TMPRSS6: variants seen among roughly 807,000 people sequenced by gnomAD.
The protein encoded by TMPRSS6 is transmembrane serine protease 6, also known as transmembrane protease serine 6.
Under a neutral mutation model 101.5 loss-of-function variants are expected in TMPRSS6, and 67 were observed. That is an observed-to-expected ratio of 0.66 (90% CI 0.54 to 0.81). The LOEUF (loss-of-function observed/expected upper bound fraction) is 0.81. TMPRSS6 is among the 30% of genes least tolerant of loss of function. The pLI is 0.00. For synonymous variants in TMPRSS6, 453 were observed against 464.9 expected (o/e 0.97, Z 0.33); for missense variants, 1,034 against 1,088.7 (o/e 0.95, Z 0.71).
At position 37,075,168 on chromosome 22, in the gene TMPRSS6, G is replaced by C. The variant is rs117576908; in HGVS notation, c.1309C>G (p.Arg437Gly). The C allele has an allele frequency of 3.1e-6, 5 of 1,613,922 alleles. No individual in the cohort carries two copies. The highest frequency in any genetic ancestry group is 1.3e-5 in the African/African-American group (1 of 74,936). The change falls in exon 11 of 18, where the codon CGG becomes GGG. Residue 437 changes from arginine to glycine, a missense_variant. Transcript: ENST00000676104. The stretch of plus-strand genomic sequence containing the variant: ...TGGTTGTACAAGCCATAGTGCACCC[G>C]CACACCGGGCCCGGTGAGGGAGATC... The part of the protein sequence containing the change: ...SQISLTGPGV[R>G]VHYGLYNQSD...
Position 37,101,561 on chromosome 22 carries a change from C to T in TMPRSS6, c.202+1655G>A, listed in dbSNP as rs1460117375. ...CCACTTCCTTGCCCAGCGCCCAGTC[C>T]CAGGAGCACAGCCTGGTCAAGGCGG... On this transcript the variant is annotated intron_variant, in intron 2 of 17. Transcript: ENST00000676104. The surrounding 1 kb of genome is among the most constrained non-coding windows in gnomAD (Gnocchi z 4.1). 6.6e-6 allele frequency among the ~76,000 whole-genome samples: 1 copy of T among 152,004 alleles called. No homozygotes were observed. Among genetic ancestry groups the T allele is most frequent in the Admixed American group, 6.5e-5 (1 of 15,274 alleles).
intron 7 of TMPRSS6, among the ~76,000 whole-genome samples, chr22:37,087,162 A>C (rs974528849): frequency 6.6e-6 from 1 of 152,048 alleles, no homozygotes; most frequent in South Asian, 2.1e-4. Flanking sequence ...GGGGTTCCCC[A>C]GCTCCCCTTC....
chr22:37,069,125 G>C lies in TMPRSS6; in HGVS notation c.2061C>G (p.Phe687Leu). 1 of 1,565,204 alleles carries C rather than the reference G, an allele frequency of 6.4e-7. No homozygotes were observed. The highest frequency in any genetic ancestry group is 2.4e-5 in the East Asian group (1 of 41,964). ...PVCLPARSHF[F>L]EPGLHCWITG... ...TAATCCAGCAGTGCAGGCCGGGCTC[G>C]AAGAAGTGGGAGCGCGCGGGCAGGC... is the stretch of plus-strand genomic sequence containing the variant. The change falls in exon 16 of 18, where the codon TTC becomes TTG. Residue 687 changes from phenylalanine to leucine, a missense_variant. By Grantham distance (22) the Phe-to-Leu change is conservative. Transcript: ENST00000676104. This position sits in a 1 kb window ranked among gnomAD's most constrained non-coding sequence, Gnocchi z 4.8.
intron 10 of TMPRSS6, among the ~76,000 whole-genome samples, chr22:37,079,011 A>AAGAAAGAAAGAAAGAAAGAAAGAAAG (rs1569006364): frequency 4.0e-5 from 6 of 151,732 alleles, no homozygotes; most frequent in Non-Finnish European, 1.5e-5. Context: ...GAAAGAAAGA[A>AAGAAAGAAAGAAAGAAAGAAAGAAAG]AGAAAGAGAA....
At chr22:37,095,726 C>T in intron 5 of TMPRSS6, 134 bp from the exon 6 acceptor site, 1 of 1,221,730 alleles carries the variant, frequency 8.2e-7, no homozygotes. Context: ...ATGCCCCCAT[C>T]CCACCCTTCT....
intron 10 of TMPRSS6, among the ~76,000 whole-genome samples, 159 bp from the exon 11 acceptor site, chr22:37,075,439 G>A (rs1927552304): frequency 6.6e-6 from 1 of 152,198 alleles, no homozygotes; most frequent in Non-Finnish European, 1.5e-5. Flanking sequence ...CACCCCCAGA[G>A]TCATCTTCTA....
intron 15 of TMPRSS6, among the ~76,000 whole-genome samples, chr22:37,070,037 A>T (rs1289368718): frequency 1.3e-5 from 2 of 152,048 alleles, no homozygotes; most frequent in Non-Finnish European, 2.9e-5. Context: ...CACCAAGCAG[A>T]TGGGAAAGAT....
intron 2 of TMPRSS6, among the ~76,000 whole-genome samples, chr22:37,102,595 G>A (rs1188885647): frequency 6.6e-6 from 1 of 152,176 alleles, no homozygotes; most frequent in Non-Finnish European, 1.5e-5. Context: ...GGGCACCAGG[G>A]GACTGACTGA....
chr22:37,071,956 ATGAT>A (rs1216095777), intron 13 of TMPRSS6, among the ~76,000 whole-genome samples: 1 of 149,948 alleles, frequency 6.7e-6, no homozygotes, highest in Admixed American at 6.6e-5. Flanking sequence ...TGATGGATGG[ATGAT>A]GGATGGATGA....
chr22:37,083,209 T>A, intron 10 of TMPRSS6: 1 of 386,180 alleles, frequency 2.6e-6, no homozygotes, highest in Admixed American at 3.6e-5. Context: ...GTCTCCTCTT[T>A]CCTGACGCTG....
intron 6 of TMPRSS6, among the ~76,000 whole-genome samples, chr22:37,092,067 G>T (rs1306136425): frequency 6.7e-6 from 1 of 150,332 alleles, no homozygotes; most frequent in Admixed American, 6.6e-5. Context: ...CAGATTCTTT[G>T]CTCTTGCCAC....
chr22:37,074,920 A>G (rs529751538), intron 11 of TMPRSS6, among the ~76,000 whole-genome samples: 11 of 152,380 alleles, frequency 7.2e-5, no homozygotes, highest in Non-Finnish European at 1.6e-4. Context: ...GTGGATATGT[A>G]TGAGTGTGTA....
intron 11 of TMPRSS6, 86 bp from the exon 12 acceptor site, chr22:37,074,794 C>G: frequency 7.2e-7 from 1 of 1,390,532 alleles, no homozygotes; most frequent in Non-Finnish European, 1.0e-6. Context: ...CACGCATGCA[C>G]CTGTTCACTC....
chr22:37,066,767 G>A, intron 17 of TMPRSS6, 59 bp downstream of exon 17: 1 of 1,610,710 alleles, frequency 6.2e-7, no homozygotes, highest in Non-Finnish European at 8.5e-7. Context: ...GCCAGACCCT[G>A]GTGATGTGGG....
intron 17 of TMPRSS6, among the ~76,000 whole-genome samples, 183 bp from the exon 18 acceptor site, chr22:37,066,421 G>A (rs538091150): frequency 1.1e-3 from 163 of 152,286 alleles, no homozygotes; most frequent in Non-Finnish European, 2.0e-3. Flanking sequence ...GCCCTCCCCG[G>A]CCTCCAGCCA....
chr22:37,090,077 GGACA>G (rs1929131022), intron 6 of TMPRSS6, among the ~76,000 whole-genome samples: 1 of 152,244 alleles, frequency 6.6e-6, no homozygotes, highest in African/African-American at 2.4e-5. Flanking sequence ...ATGACAGCGG[GGACA>G]GACAGACACA....
At chr22:37,104,698 C>T (rs1486242079) in intron 1 of TMPRSS6, among the ~76,000 whole-genome samples, 6 of 152,104 alleles carry the variant, frequency 3.9e-5, no homozygotes, top group Non-Finnish European at 7.3e-5. Flanking sequence ...CCGTGGCTCA[C>T]GCCTGTAATC....
rs1014038079 is a variant in TMPRSS6, at chr22:37,069,490, G to A, written c.1842-146C>T. 3 of 848,686 alleles carry A rather than the reference G, an allele frequency of 3.5e-6. No homozygotes were observed. Among genetic ancestry groups the A allele is most frequent in the South Asian group, 1.7e-5 (1 of 58,854 alleles). The allele number at this position is 848,686 out of a possible 1,614,324, so 52.6% of individuals were successfully genotyped here. The stretch of plus-strand genomic sequence containing the variant: ...GCCCTCCCTTCCCTCCCTGAAGGTC[G>A]CCTAGCTGGTGGTACAGCGTTCAGC... On this transcript the variant is annotated intron_variant, in intron 15 of 17. Coordinates refer to ENST00000676104, the MANE Select transcript of TMPRSS6 (RefSeq NM_001374504.1). This position sits in a 1 kb window ranked among gnomAD's most constrained non-coding sequence, Gnocchi z 4.8.
At chr22:37,104,168 C>T (rs1272196975) in intron 1 of TMPRSS6, among the ~76,000 whole-genome samples, 2 of 152,198 alleles carry the variant, frequency 1.3e-5, no homozygotes, top group East Asian at 1.9e-4. Context: ...TCCAGTTCTG[C>T]ACCCATTGAA....
Sources: gnomAD v4.1 joint callset for allele counts (sites outside exome capture counted in the v4.1 genomes callset) on GRCh38, gnomAD v4.1.1 for gene constraint, Gnocchi (gnomAD v3.1) non-coding constraint, MANE v1.5 for transcripts, NCBI Gene and HGNC (gene_info 2026-07-23, HGNC 2026-07-21) for gene names.